The following MIA2 variants were observed in gnomAD, a reference collection of about 807,000 sequenced individuals.
MIA2 encodes the protein MIA SH3 domain ER export factor 2.
A neutral mutation model predicts 167.8 loss-of-function variants in MIA2; 127 were observed. The ratio of observed to expected loss-of-function variants is 0.76; its 90% CI spans 0.66 to 0.88. The LOEUF is 0.88. Among genes scored for constraint, MIA2 ranks in the 40% least tolerant of loss-of-function variants. The pLI, the probability that MIA2 is intolerant of heterozygous loss-of-function variation, is 0.00. For missense variants in MIA2, 1,690 were observed against 1,624.7 expected, an observed-to-expected ratio of 1.04 and a Z score of -0.69; for synonymous variants, 552 against 541.9, an observed-to-expected ratio of 1.02 and a Z score of -0.26.
rs143585077 is a variant in MIA2, at chr14:39,247,400, C to T, written c.826C>T (p.His276Tyr). 2 of 1,614,078 alleles carry T rather than the reference C, an allele frequency of 1.2e-6. No individual in the cohort carries two copies. Among genetic ancestry groups the T allele is most frequent in the Non-Finnish European group, 1.7e-6 (2 of 1,180,014 alleles). Residue 276 changes from histidine (H) to tyrosine (Y), a missense_variant, in exon 4 of 29, where the codon CAT becomes TAT. His to Tyr is a moderately conservative substitution (Grantham distance 83, BLOSUM62 2). Transcript: ENST00000640607. ...AAATAATGGTGAGCCTCAAACAGAA[C>T]ATCAGCAAGAATCTGAATCAGAAAT... ...ELNNGEPQTEHQQESESEIDS... is the reference protein window; with the variant it reads ...ELNNGEPQTEYQQESESEIDS...
downstream of MIA2, among the ~76,000 whole-genome samples, chr14:39,355,260 A>G (rs141023585): frequency 0.011 from 1,654 of 152,258 alleles, 6 homozygotes; most frequent in Non-Finnish European, 0.019. Flanking sequence ...TTCTTCTTGA[A>G]CAGGTTCTTC....
intron 25 of MIA2, among the ~76,000 whole-genome samples, chr14:39,345,500 T>TA (rs759236764): frequency 2.6e-5 from 4 of 152,228 alleles, no homozygotes; most frequent in African/African-American, 9.6e-5. Context: ...TCTGGTAAAT[T>TA]TCTTGCTGTG....
intron 9 of MIA2, among the ~76,000 whole-genome samples, chr14:39,286,786 C>T (rs182748857): frequency 3.5e-3 from 537 of 151,322 alleles, no homozygotes; most frequent in African/African-American, 0.011. Context: ...CTCTGCCTCC[C>T]GGGTTCAAGT....
At chr14:39,260,068 A>G (rs995316376) in intron 6 of MIA2, among the ~76,000 whole-genome samples, 2 of 152,254 alleles carry the variant, frequency 1.3e-5, no homozygotes, top group Admixed American at 1.3e-4. Flanking sequence ...ATAGTATTCC[A>G]TAGTGTATAT....
chr14:39,380,904 ATGTAGT>A (rs1028419599), intron 23 of MIA2, among the ~76,000 whole-genome samples: 1 of 151,898 alleles, frequency 6.6e-6, no homozygotes, highest in African/African-American at 2.4e-5. Flanking sequence ...AGACTAGGCC[ATGTAGT>A]GCTTTTACAG....
chr14:39,297,701 G>T (rs1045967695), intron 13 of MIA2, among the ~76,000 whole-genome samples: 4 of 144,772 alleles, frequency 2.8e-5, no homozygotes, highest in Admixed American at 2.1e-4. Flanking sequence ...GTGTGTGTTT[G>T]TGTGTGTGAA....
chr14:39,295,740 A>G, intron 13 of MIA2, among the ~76,000 whole-genome samples: 1 of 151,908 alleles, frequency 6.6e-6, no homozygotes, highest in East Asian at 1.9e-4. Flanking sequence ...TTGTATTTTT[A>G]GTAGAGATAG....
At chr14:39,268,558 C>T (rs775842348) in intron 6 of MIA2, among the ~76,000 whole-genome samples, 3 of 152,070 alleles carry the variant, frequency 2.0e-5, no homozygotes, top group Admixed American at 6.5e-5. Context: ...GTAAAGTGGG[C>T]TTAGGGAGTG....
intron 14 of MIA2, among the ~76,000 whole-genome samples, chr14:39,300,889 C>G (rs2062295017): frequency 1.3e-5 from 2 of 151,604 alleles, no homozygotes; most frequent in Non-Finnish European, 2.9e-5. Context: ...AAAATTCCAG[C>G]TTTCTGAGTT....
At chr14:39,325,195 G>A (rs954391816) in intron 24 of MIA2, among the ~76,000 whole-genome samples, 1 of 151,738 alleles carries the variant, frequency 6.6e-6, no homozygotes, top group Non-Finnish European at 1.5e-5. Context: ...CTGCACTCCA[G>A]TCTGGGTAAC....
At chr14:39,302,300 T>A (rs1293452145) in intron 15 of MIA2, 51 bp downstream of exon 15, 1 of 1,597,764 alleles carries the variant, frequency 6.3e-7, no homozygotes, top group Admixed American at 1.7e-5. Context: ...CTAGCTCTTC[T>A]ATTTCCTTTT....
chr14:39,300,370 G>T (rs1203617528), intron 14 of MIA2, among the ~76,000 whole-genome samples: 1 of 152,100 alleles, frequency 6.6e-6, no homozygotes, highest in Non-Finnish European at 1.5e-5. Context: ...ACTGGTGTAT[G>T]TACTTTGATG....
At chr14:39,367,711 G>T (rs1258818169) in intron 23 of MIA2, among the ~76,000 whole-genome samples, 2 of 152,176 alleles carry the variant, frequency 1.3e-5, no homozygotes, top group Non-Finnish European at 1.5e-5. Flanking sequence ...TATTCAAAGT[G>T]TGATTATCTA....
chr14:39,319,937 A>G (rs563706478), intron 23 of MIA2, among the ~76,000 whole-genome samples: 47 of 152,266 alleles, frequency 3.1e-4, no homozygotes, highest in South Asian at 1.2e-3. Context: ...TGAAAAATCT[A>G]TATATAGGTA....
At chr14:39,374,180 A>C (rs1417561050) in intron 23 of MIA2, among the ~76,000 whole-genome samples, 1 of 152,248 alleles carries the variant, frequency 6.6e-6, no homozygotes, top group Non-Finnish European at 1.5e-5. Context: ...CAACATTCAA[A>C]GAAATGGTAG....
chr14:39,235,031 C>G (rs1017292783), intron 1 of MIA2, among the ~76,000 whole-genome samples: 1 of 150,974 alleles, frequency 6.6e-6, no homozygotes, highest in Non-Finnish European at 1.5e-5. Flanking sequence ...ATAAATTCTA[C>G]CTTTTTGGTT....
chr14:39,297,298 G>A (rs895056447), intron 13 of MIA2, among the ~76,000 whole-genome samples: 2 of 151,624 alleles, frequency 1.3e-5, no homozygotes, highest in African/African-American at 4.9e-5. Context: ...CATCATGTTG[G>A]CCAGGTTGGT....
chr14:39,245,762 G>A (rs144860751), intron 3 of MIA2, among the ~76,000 whole-genome samples: 26 of 152,260 alleles, frequency 1.7e-4, no homozygotes, highest in African/African-American at 5.3e-4. Context: ...ACCCACTCCT[G>A]TGATAACAAG....
intron 6 of MIA2, chr14:39,269,142 C>T (rs2056660928): frequency 1.3e-6 from 1 of 757,244 alleles, no homozygotes; most frequent in Non-Finnish European, 1.6e-6. Context: ...GATGGCACAA[C>T]ATTGTTCCGC....
Sources: allele counts gnomAD v4.1 joint callset (sites outside exome capture counted in the v4.1 genomes callset), GRCh38; gene constraint gnomAD v4.1.1; transcripts MANE v1.5; gene names NCBI Gene and HGNC (gene_info 2026-07-23, HGNC 2026-07-21).